Variants in MAP4 observed in about 807,000 individuals in gnomAD.
The protein encoded by MAP4 is microtubule associated protein 4, also known as microtubule-associated protein 4.
Under a neutral mutation model 170.2 loss-of-function variants are expected in MAP4, and 76 were observed. The observed-to-expected ratio is 0.45, with a 90% confidence interval of 0.37 to 0.54. The LOEUF (loss-of-function observed/expected upper bound fraction) is 0.54. Among genes scored for constraint, MAP4 ranks in the 20% least tolerant of loss-of-function variants. The pLI is 0.00. For missense variants in MAP4, 2,506 were observed against 2,748.0 expected, an observed-to-expected ratio of 0.91 and a Z score of 1.97; for synonymous variants, 909 against 994.5, an observed-to-expected ratio of 0.91 and a Z score of 1.62.
intron 10 of MAP4, chr3:47,891,736 C>A: frequency 6.5e-7 from 1 of 1,536,624 alleles, no homozygotes; most frequent in Non-Finnish European, 8.7e-7. Flanking sequence ...TAGTGATTGG[C>A]GGAATGGTGG....
At chr3:47,962,120 G>T (rs1162159773) in intron 3 of MAP4, among the ~76,000 whole-genome samples, 1 of 152,172 alleles carries the variant, frequency 6.6e-6, no homozygotes, top group Non-Finnish European at 1.5e-5. Context: ...TTTCCAGAAA[G>T]TTCTAAATAA....
chr3:47,947,480 G>A (rs1465396652), intron 3 of MAP4, among the ~76,000 whole-genome samples: 2 of 152,092 alleles, frequency 1.3e-5, no homozygotes, highest in Admixed American at 6.5e-5. Flanking sequence ...TACAACAAGG[G>A]AGGAAAGGCC....
chr3:47,888,358 C>G (rs978597893), intron 10 of MAP4, among the ~76,000 whole-genome samples: 1 of 152,190 alleles, frequency 6.6e-6, no homozygotes, highest in Non-Finnish European at 1.5e-5. Context: ...ACTGCTCACT[C>G]TTTGGGTCCA....
chr3:47,941,131 G>A (rs1214539074), intron 3 of MAP4, among the ~76,000 whole-genome samples: 1 of 146,264 alleles, frequency 6.8e-6, no homozygotes, highest in Admixed American at 7.1e-5. Flanking sequence ...CACCCACCTC[G>A]GCCTCCCAAA....
In MAP4 at chr3:47,864,615, T is replaced by G. The variant is rs373945931; in HGVS notation, c.6501+2631A>C. 8.9e-4 allele frequency among the ~76,000 whole-genome samples: 135 copies of G among 152,284 alleles called. 1 individual carries two copies. The highest frequency in any genetic ancestry group is 2.5e-3 in the African/African-American group (104 of 41,552). ...TAGCATCAATCCGGGAGGCGGAGCT[T>G]GCAGTGAGCCGAGATCGCACCACTG... On this transcript the variant is annotated intron_variant, in intron 17 of 20. Coordinates refer to ENST00000683076, the MANE Select transcript of MAP4 (RefSeq NM_001385682.1).
At chr3:47,867,448 T>C in intron 16 of MAP4, 110 bp from the exon 17 acceptor site, 1 of 749,838 alleles carries the variant, frequency 1.3e-6, no homozygotes, top group Non-Finnish European at 2.4e-6. Flanking sequence ...CAAAAAGTGT[T>C]GTTAAACCTC....
chr3:47,902,546 T>G (rs2153373794), intron 10 of MAP4, among the ~76,000 whole-genome samples: 1 of 151,668 alleles, frequency 6.6e-6, no homozygotes, highest in African/African-American at 2.4e-5. Flanking sequence ...TGGTGACACA[T>G]GCCTATAATC....
chr3:48,067,340 T>C (rs912110717), intron 1 of MAP4, among the ~76,000 whole-genome samples: 2 of 152,140 alleles, frequency 1.3e-5, no homozygotes, highest in Non-Finnish European at 2.9e-5. Flanking sequence ...TTTTCATTTA[T>C]ATTTTTAAAT....
chr3:48,075,844 G>A (rs911236013), intron 1 of MAP4, among the ~76,000 whole-genome samples: 30 of 151,284 alleles, frequency 2.0e-4, no homozygotes, highest in African/African-American at 5.1e-4. Context: ...GTGTGGTAGC[G>A]GGCACCTGTA....
At chr3:47,904,278 G>A (rs2100031646) in intron 9 of MAP4, among the ~76,000 whole-genome samples, 1 of 152,018 alleles carries the variant, frequency 6.6e-6, no homozygotes, top group Non-Finnish European at 1.5e-5. Context: ...AGATAACCAG[G>A]CAAATAAAAT....
At chr3:47,898,739 G>C (rs563750530) in intron 10 of MAP4, among the ~76,000 whole-genome samples, 18 of 152,196 alleles carry the variant, frequency 1.2e-4, no homozygotes, top group African/African-American at 4.3e-4. Flanking sequence ...TTGAGGCCAA[G>C]AGTTCAAGAG....
At position 47,909,954 on chromosome 3, in the gene MAP4, A is replaced by C. The variant is rs2100035127; in HGVS notation, c.4467T>G (p.Gly1489=). 1.2e-6 allele frequency: 2 copies of C among 1,614,040 alleles called. No homozygotes were observed. Among genetic ancestry groups the C allele is most frequent in the Non-Finnish European group, 1.7e-6 (2 of 1,179,896 alleles). Residue 1489 remains glycine (G), a synonymous_variant, in exon 9 of 21, where the codon GGT becomes GGG. Transcript: ENST00000683076. ...CAGAGGGACCCTTGGGTCTTTCTTG[A>C]CCTGGGACTCCATCTTTGGTGTAGT... ...VDNYTKDGVP[G]QERPKGPSAV...
intron 10 of MAP4, among the ~76,000 whole-genome samples, chr3:47,879,942 T>G (rs1213091016): frequency 6.6e-6 from 1 of 152,208 alleles, no homozygotes; most frequent in African/African-American, 2.4e-5. Context: ...TTATTCACCA[T>G]TAAATATGAT....
intron 1 of MAP4, among the ~76,000 whole-genome samples, chr3:48,034,268 C>T (rs1489982907): frequency 6.6e-6 from 1 of 152,134 alleles, no homozygotes; most frequent in Admixed American, 6.6e-5. Flanking sequence ...TCCCACTGAC[C>T]CAACAGCTAA....
At chr3:47,988,309 C>T (rs1348515564) in intron 2 of MAP4, among the ~76,000 whole-genome samples, 1 of 151,262 alleles carries the variant, frequency 6.6e-6, no homozygotes, top group Non-Finnish European at 1.5e-5. Flanking sequence ...TGGTGAATGA[C>T]CCAATTGAAA....
upstream of MAP4, among the ~76,000 whole-genome samples, chr3:48,021,229 C>G (rs2100110399): frequency 6.6e-6 from 1 of 152,036 alleles, no homozygotes; most frequent in Non-Finnish European, 1.5e-5. Context: ...GATTTTTGTA[C>G]AAGTGATTTA....
chr3:47,997,471 G>A (rs1001935524), intron 2 of MAP4, among the ~76,000 whole-genome samples: 2 of 151,568 alleles, frequency 1.3e-5, no homozygotes, highest in African/African-American at 2.4e-5. Context: ...ATGGTGATTA[G>A]AGGGTAATTT....
chr3:48,044,152 ATTT>A (rs991959448), intron 1 of MAP4, among the ~76,000 whole-genome samples: 1 of 140,366 alleles, frequency 7.1e-6, no homozygotes, highest in Non-Finnish European at 1.5e-5. Flanking sequence ...CCGCTCTGTA[ATTT>A]TTTTTTGTTT....
At chr3:47,937,462 A>G (rs2100053639) in intron 3 of MAP4, among the ~76,000 whole-genome samples, 3 of 152,186 alleles carry the variant, frequency 2.0e-5, no homozygotes, top group Admixed American at 2.0e-4. Flanking sequence ...GTTTTTTCAT[A>G]GGATTAATAT....
Sources: gnomAD v4.1 joint callset for allele counts (sites outside exome capture counted in the v4.1 genomes callset) on GRCh38, gnomAD v4.1.1 for gene constraint, MANE v1.5 for transcripts, NCBI Gene and HGNC (gene_info 2026-07-23, HGNC 2026-07-21) for gene names.